The following ADAP1 variants were observed in gnomAD, a reference collection of about 807,000 sequenced individuals.
ADAP1 encodes the protein arf-GAP with dual PH domain-containing protein 1.
ADAP1 carries 31 observed loss-of-function variants against 54.9 expected under a neutral mutation model. The ratio of observed to expected loss-of-function variants is 0.56; its 90% CI spans 0.42 to 0.76. The LOEUF (loss-of-function observed/expected upper bound fraction) is 0.76, where lower values mean the gene tolerates loss of function less well. ADAP1 is among the 30% of genes least tolerant of loss of function. The pLI, the probability that ADAP1 is intolerant of heterozygous loss-of-function variation, is 0.00. For synonymous variants in ADAP1, 313 were observed against 202.6 expected (o/e 1.55, Z -4.63); for missense variants, 535 against 512.4 (o/e 1.04, Z -0.42).
At chr7:914,519 C>G (rs1534413) in intron 4 of ADAP1, among the ~76,000 whole-genome samples, 33,991 of 152,076 alleles carry the variant, frequency 0.22, 4,069 homozygotes, top group Admixed American at 0.27. Context: ...CAGGAGGACA[C>G]GTCCTCTCCT....
At position 920,001 on chromosome 7, in the gene ADAP1, T is replaced by C. The variant is rs1846124340; in HGVS notation, c.355A>G (p.Ile119Val). The C allele has an allele frequency of 1.9e-6, 3 of 1,606,974 alleles. No homozygotes were observed. The highest frequency in any genetic ancestry group is 2.7e-5 in the African/African-American group (2 of 74,552). ...IRAKYERQEF[I>V]YPEKQEPYSA... is the part of the protein sequence containing the mutation. ...TAGGGCTCCTGCTTCTCCGGGTAGA[T>C]GAACTCCTGTCGCTCGTACTTGGCC... The change falls in exon 4 of 11, where the codon ATC becomes GTC. Residue 119 changes from isoleucine (I) to valine (V), a missense_variant. Physicochemically the swap from Ile to Val is conservative, Grantham distance 29. Transcript: ENST00000265846. The surrounding 1 kb of genome is among the most constrained non-coding windows in gnomAD (Gnocchi z 4.5).
intron 4 of ADAP1, among the ~76,000 whole-genome samples, chr7:906,248 GGA>G (rs1455978971): frequency 1.7e-3 from 1 of 600 alleles, no homozygotes. Context: ...AAGGAGAAAG[GGA>G]GAAAGGAGAA....
In ADAP1 at chr7:926,921, G is replaced by C. The variant is rs1438393548; in HGVS notation, c.214-277C>G. On this transcript the variant is annotated intron_variant, in intron 2 of 10. Coordinates refer to ENST00000265846, the MANE Select transcript of ADAP1 (RefSeq NM_006869.4). This position sits in a 1 kb window ranked among gnomAD's most constrained non-coding sequence, Gnocchi z 4.6. Reference sequence around the variant, plus strand: ...AGGCCCCTTTTGAGGATGGGTCTGAGGTTTGCCCCACCGTTTCAACCCCCA... The same window carrying C: ...AGGCCCCTTTTGAGGATGGGTCTGACGTTTGCCCCACCGTTTCAACCCCCA... 8.3e-7 allele frequency: 1 copy of C among 1,200,302 alleles called. No individual in the cohort carries two copies. Among genetic ancestry groups the C allele is most frequent in the African/African-American group, 1.6e-5 (1 of 63,346 alleles). 74.4% of individuals were successfully genotyped at this position (1,200,302 alleles called of 1,614,324 possible). A position where few individuals can be genotyped will look rare whatever the true frequency, so the allele number is the denominator to read the frequency against.
At chr7:954,729 G>A, upstream of ADAP1, 3 of 980,478 alleles carry the variant, frequency 3.1e-6, no homozygotes, top group Non-Finnish European at 3.6e-6. Flanking sequence ...GGCAAGGCCC[G>A]CGGGCGGCCC....
intron 4 of ADAP1, among the ~76,000 whole-genome samples, chr7:919,543 A>C (rs925026165): frequency 2.9e-5 from 4 of 137,766 alleles, no homozygotes; most frequent in Non-Finnish European, 6.3e-5. Context: ...GGAAGGAGAG[A>C]GAGAGGGAGA....
chr7:912,449 C>A (rs967537560), intron 4 of ADAP1, among the ~76,000 whole-genome samples: 8 of 152,250 alleles, frequency 5.3e-5, no homozygotes, highest in African/African-American at 1.9e-4. Context: ...AGGGGTGCGG[C>A]GCGTCCCCAC....
At chr7:911,540 C>T (rs927965699) in intron 4 of ADAP1, among the ~76,000 whole-genome samples, 4 of 147,426 alleles carry the variant, frequency 2.7e-5, no homozygotes, top group African/African-American at 5.2e-5. Context: ...AGGAAAGGGG[C>T]GGGGATCACA....
chr7:906,533 A>G (rs1243490779), intron 4 of ADAP1, among the ~76,000 whole-genome samples: 3 of 26,806 alleles, frequency 1.1e-4, no homozygotes, highest in African/African-American at 3.3e-4. Flanking sequence ...AAGGGAAAGG[A>G]GAAAGGAGAA....
intron 1 of ADAP1, among the ~76,000 whole-genome samples, chr7:942,437 G>A (rs1230997714): frequency 1.1e-5 from 1 of 90,230 alleles, no homozygotes; most frequent in Non-Finnish European, 2.4e-5. Flanking sequence ...AGGAGGAAGG[G>A]AGAGAGGAGG....
At chr7:948,423 TCCTCCATGAGGAAAACAGTCA>T (rs1269988376) in intron 1 of ADAP1, among the ~76,000 whole-genome samples, 1 of 151,992 alleles carries the variant, frequency 6.6e-6, no homozygotes, top group African/African-American at 2.4e-5. Context: ...CCTGGCCTCG[TCCTCCATGAGGAAAACAGTCA>T]CTTCCAAAGC....
intron 1 of ADAP1, among the ~76,000 whole-genome samples, chr7:951,202 A>T (rs368459033): frequency 6.6e-6 from 1 of 151,442 alleles, no homozygotes; most frequent in South Asian, 2.1e-4. Flanking sequence ...GTGAAACCCC[A>T]TCTCTACTAA....
At chr7:919,586 A>G (rs1451805332) in intron 4 of ADAP1, among the ~76,000 whole-genome samples, 2 of 144,982 alleles carry the variant, frequency 1.4e-5, no homozygotes, top group Non-Finnish European at 1.5e-5. Context: ...GATAGACGTG[A>G]AGAGAGAGGA....
chr7:914,483 G>T lies in ADAP1; in HGVS notation c.388+5485C>A, dbSNP rs548030488. On this transcript the variant is annotated intron_variant, in intron 4 of 10. Transcript: ENST00000265846. ...ACTGGCGCTGGAGCCCTGTGGAGGA[G>T]GCTCTGCCCACGGGGCCGCCCCAGA... Among the ~76,000 whole-genome samples the T allele has an allele frequency of 2.2e-4, 33 of 152,294 alleles. No individual in the cohort carries two copies. The South Asian group carries it at 5.8e-3, about 27-fold the overall frequency.
At chr7:912,244 C>A (rs1017572555) in intron 4 of ADAP1, among the ~76,000 whole-genome samples, 3 of 152,168 alleles carry the variant, frequency 2.0e-5, no homozygotes, top group African/African-American at 7.2e-5. Context: ...GGAAGCCCCG[C>A]GTCTCAGCGA....
chr7:899,504 A>G lies in ADAP1; in HGVS notation c.796-14T>C. On this transcript the variant is annotated splice_polypyrimidine_tract_variant and intron_variant, in intron 8 of 10. Coordinates refer to ENST00000265846, the MANE Select transcript of ADAP1 (RefSeq NM_006869.4). ...GCCTTCCGTTTGCTGTGGGTCAGAGAGGGCCCGTGACCGGCAGGTCGCCGA... is the reference window on the plus strand; with the variant it reads ...GCCTTCCGTTTGCTGTGGGTCAGAGGGGGCCCGTGACCGGCAGGTCGCCGA... 1.2e-6 allele frequency: 2 copies of G among 1,611,830 alleles called. No individual in the cohort carries two copies. Among genetic ancestry groups the G allele is most frequent in the Non-Finnish European group, 1.7e-6 (2 of 1,179,376 alleles).
intron 3 of ADAP1, among the ~76,000 whole-genome samples, chr7:921,574 TAC>T (rs1348793286): frequency 2.0e-5 from 3 of 152,208 alleles, no homozygotes; most frequent in South Asian, 4.1e-4. Flanking sequence ...CTGGGCCTCC[TAC>T]AGGGCTGCGA....
chr7:931,983 GC>G (rs1362377946), intron 2 of ADAP1, among the ~76,000 whole-genome samples: 1 of 152,130 alleles, frequency 6.6e-6, no homozygotes, highest in Non-Finnish European at 1.5e-5. Context: ...GCCAGGGGGG[GC>G]CCAGTGCAGC....
At chr7:903,732 C>CA (rs2128634883) in intron 6 of ADAP1, among the ~76,000 whole-genome samples, 1 of 152,272 alleles carries the variant, frequency 6.6e-6, no homozygotes, top group South Asian at 2.1e-4. Context: ...CTACCGTCCA[C>CA]ATCTCCTCCC....
At chr7:900,937 CTG>C (rs1844778072) in intron 6 of ADAP1, 1 of 561,038 alleles carries the variant, frequency 1.8e-6, no homozygotes, top group Non-Finnish European at 3.5e-6. Context: ...CAAGCTCACT[CTG>C]TGGCCCTGGT....
Sources: gnomAD v4.1 joint callset for allele counts (sites outside exome capture counted in the v4.1 genomes callset) on GRCh38, gnomAD v4.1.1 for gene constraint, Gnocchi (gnomAD v3.1) non-coding constraint, MANE v1.5 for transcripts, NCBI Gene and HGNC (gene_info 2026-07-23, HGNC 2026-07-21) for gene names.